Variants in EPS8L2 observed in about 807,000 individuals in gnomAD.
EPS8L2 encodes the protein EPS8 signaling adaptor L2.
A neutral mutation model predicts 99.4 loss-of-function variants in EPS8L2; 81 were observed. That is an observed-to-expected ratio of 0.82 (90% CI 0.68 to 0.98). EPS8L2 has a LOEUF of 0.98. EPS8L2 is among the 50% of genes least tolerant of loss of function. The pLI, the probability that EPS8L2 is intolerant of heterozygous loss-of-function variation, is 0.00. For synonymous variants in EPS8L2, 509 were observed against 407.3 expected (o/e 1.25, Z -3.01); for missense variants, 1,155 against 968.8 (o/e 1.19, Z -2.55).
intron 1 of EPS8L2, among the ~76,000 whole-genome samples, chr11:708,356 A>G (rs938201384): frequency 1.3e-5 from 2 of 152,176 alleles, no homozygotes; most frequent in African/African-American, 4.8e-5. Context: ...AATCAGACCC[A>G]CCTGTCTGCC....
chr11:720,546 CAG>C, intron 5 of EPS8L2, 49 bp from the exon 6 acceptor site: 3 of 1,566,766 alleles, frequency 1.9e-6, no homozygotes, highest in Non-Finnish European at 2.6e-6. Context: ...CACTCCCTGC[CAG>C]AGTGCCCAGA....
chr11:727,173 C>T lies in EPS8L2; in HGVS notation c.*192C>T. On this transcript the variant is annotated 3_prime_UTR_variant, in exon 21 of 21. Coordinates refer to ENST00000318562, the MANE Select transcript of EPS8L2 (RefSeq NM_022772.4). Reference sequence around the variant, plus strand: ...ACAGTACCCAAGGCCTCAGCCCACACCAAGACTAATCTCAGCCAAACCTGC... The same window carrying T: ...ACAGTACCCAAGGCCTCAGCCCACATCAAGACTAATCTCAGCCAAACCTGC... 1.8e-6 allele frequency: 1 copy of T among 545,184 alleles called. No individual in the cohort carries two copies. Among genetic ancestry groups the T allele is most frequent in the East Asian group, 3.2e-5 (1 of 31,062 alleles). 33.8% of individuals were successfully genotyped at this position (545,184 alleles called of 1,614,324 possible).
intron 15 of EPS8L2, among the ~76,000 whole-genome samples, chr11:723,966 C>T (rs998516347): frequency 1.3e-5 from 2 of 152,210 alleles, no homozygotes; most frequent in African/African-American, 4.8e-5. Context: ...CAAGCATGGC[C>T]TCCCCTCACC....
rs1265682954 is a variant in EPS8L2, at chr11:722,784, G to A, written c.1320G>A (p.Leu440=). The stretch of plus-strand genomic sequence containing the variant: ...AGGCCCCCTGGGAGGTGGAGGGGCT[G>A]GCGTCTGCCCCCATCGAGGAGGTGA... ...LQEAPWEVEG[L]ASAPIEEVSP... The change falls in exon 14 of 21, where the codon CTG becomes CTA. Residue 440 remains leucine, a synonymous_variant. Coordinates refer to ENST00000318562, the MANE Select transcript of EPS8L2 (RefSeq NM_022772.4). 1 of 1,590,930 alleles carries A rather than the reference G, an allele frequency of 6.3e-7. No individual in the cohort carries two copies. The highest frequency in any genetic ancestry group is 2.3e-5 in the East Asian group (1 of 44,018).
intron 4 of EPS8L2, among the ~76,000 whole-genome samples, chr11:712,293 A>G (rs1396531496): frequency 1.3e-5 from 2 of 149,020 alleles, no homozygotes; most frequent in Non-Finnish European, 3.0e-5. Context: ...CTCAAAAGGA[A>G]AAAAAAAAAG....
rs568595157 is a variant in EPS8L2, at chr11:725,937, G to A, written c.1680+90G>A. The A allele has an allele frequency of 2.9e-6, 4 of 1,384,166 alleles. No individual in the cohort carries two copies. In the African/African-American group the frequency reaches 6.1e-5, roughly 21 times the overall value. The allele number at this position is 1,384,166 out of a possible 1,614,324, so 85.7% of individuals were successfully genotyped here. A position where few individuals can be genotyped will look rare whatever the true frequency, so the allele number is the denominator to read the frequency against. On this transcript the variant is annotated intron_variant, in intron 17 of 20. Coordinates refer to ENST00000318562, the MANE Select transcript of EPS8L2 (RefSeq NM_022772.4). ...AGCCCCGCCCCAAGGCCAGCCCCGC[G>A]GCTGGAGAGACTGGGGCAGGTGCAG... is the stretch of plus-strand genomic sequence containing the variant.
chr11:717,244 GGATTACAGGCATGAGCCAC>G (rs1214912652), intron 4 of EPS8L2, among the ~76,000 whole-genome samples: 1 of 152,164 alleles, frequency 6.6e-6, no homozygotes, highest in Non-Finnish European at 1.5e-5. Flanking sequence ...CAAAGTGCTG[GGATTACAGGCATGAGCCAC>G]CGTGTCTGGC....
chr11:726,695 G>A lies in EPS8L2; in HGVS notation c.2011G>A (p.Gly671Ser), dbSNP rs1283585064. Residue 671 changes from glycine (G) to serine (S), a missense_variant, in exon 20 of 21, where the codon GGC becomes AGC. Coordinates refer to ENST00000318562, the MANE Select transcript of EPS8L2 (RefSeq NM_022772.4). ...LNKEELKKVC[G>S]EEGVRVYSQL... is the part of the protein sequence containing the mutation. Reference sequence around the variant, plus strand: ...CAAGGAGGAGCTGAAGAAAGTGTGCGGCGAGGAGGGCGTCCGCGTGTACAG... The same window carrying A: ...CAAGGAGGAGCTGAAGAAAGTGTGCAGCGAGGAGGGCGTCCGCGTGTACAG... The A allele has an allele frequency of 5.7e-6, 9 of 1,587,166 alleles. No homozygotes were observed. In the African/African-American group the frequency reaches 6.7e-5, roughly 12 times the overall value.
chr11:722,140 A>G lies in EPS8L2; in HGVS notation c.1034A>G (p.His345Arg). The change falls in exon 12 of 21, where the codon CAC becomes CGC. Residue 345 changes from histidine to arginine, a missense_variant. Coordinates refer to ENST00000318562, the MANE Select transcript of EPS8L2 (RefSeq NM_022772.4). The part of the protein sequence containing the change: ...IQNPSAAELV[H>R]FLFGPLDLIV... Reference sequence around the variant, plus strand: ...AACCCCAGCGCCGCGGAGCTCGTGCACTTCCTCTTCGGGCCTCTGGACCTG... The same window carrying G: ...AACCCCAGCGCCGCGGAGCTCGTGCGCTTCCTCTTCGGGCCTCTGGACCTG... 2 of 1,612,784 alleles carry G rather than the reference A, an allele frequency of 1.2e-6. No homozygotes were observed. Among genetic ancestry groups the G allele is most frequent in the Admixed American group, 1.7e-5 (1 of 59,992 alleles).
chr11:712,013 C>T (rs1861904739), intron 4 of EPS8L2, among the ~76,000 whole-genome samples: 2 of 149,902 alleles, frequency 1.3e-5, no homozygotes, highest in African/African-American at 2.5e-5. Context: ...GGACCAGGCG[C>T]GGTTGTTCAT....
At chr11:710,542 C>G (rs376531230) in intron 4 of EPS8L2, 56 bp downstream of exon 4, 845 of 1,459,066 alleles carry the variant, frequency 5.8e-4, no homozygotes, top group Non-Finnish European at 7.2e-4. Context: ...CAGGACATGG[C>G]TGTCCTCAGG....
At chr11:726,216 C>G (rs1862315122) in intron 18 of EPS8L2, 46 bp downstream of exon 18, 1 of 1,566,722 alleles carries the variant, frequency 6.4e-7, no homozygotes, top group Non-Finnish European at 8.7e-7. Flanking sequence ...CCAGGGCCAC[C>G]TGGGGGAGGA....
At chr11:715,582 G>A (rs1861999555) in intron 4 of EPS8L2, among the ~76,000 whole-genome samples, 1 of 147,688 alleles carries the variant, frequency 6.8e-6, no homozygotes, top group African/African-American at 2.5e-5. Context: ...TCCACTTACT[G>A]TGGGTTTTAT....
intron 1 of EPS8L2, among the ~76,000 whole-genome samples, chr11:707,821 C>A (rs578152165): frequency 6.6e-6 from 1 of 152,172 alleles, no homozygotes; most frequent in African/African-American, 2.4e-5. Context: ...CCTGAGTCTG[C>A]AAGGGTGCGT....
Position 720,486 on chromosome 11 carries a change from C to T in EPS8L2, c.328-111C>T. 4 of 1,500,778 alleles carry T rather than the reference C, an allele frequency of 2.7e-6. No homozygotes were observed. In the South Asian group the frequency reaches 3.6e-5, roughly 14 times the overall value. The allele number at this position is 1,500,778 out of a possible 1,614,324, so 93.0% of individuals were successfully genotyped here. On this transcript the variant is annotated intron_variant, in intron 5 of 20. Transcript: ENST00000318562. ...AGTCCTCATCTTTGGGAGCCCATTCCCCAGCGGCGCCAGAGGGGCCTGTGC... is the reference window on the plus strand; with the variant it reads ...AGTCCTCATCTTTGGGAGCCCATTCTCCAGCGGCGCCAGAGGGGCCTGTGC...
chr11:721,415 C>T, intron 9 of EPS8L2, 63 bp downstream of exon 9: 2 of 1,512,160 alleles, frequency 1.3e-6, no homozygotes, highest in Non-Finnish European at 1.8e-6. Flanking sequence ...GACACTGGTC[C>T]TTGCTGTCCC....
In EPS8L2 at chr11:721,080, A is replaced by G. The variant is rs1407868772; in HGVS notation, c.574A>G (p.Ile192Val). 1 of 1,489,644 alleles carries G rather than the reference A, an allele frequency of 6.7e-7. No homozygotes were observed. The highest frequency in any genetic ancestry group is 2.2e-5 in the Admixed American group (1 of 46,356). 92.3% of individuals were successfully genotyped at this position (1,489,644 alleles called of 1,614,324 possible). A position where few individuals can be genotyped will look rare whatever the true frequency, so the allele number is the denominator to read the frequency against. Residue 192 changes from isoleucine to valine, a missense_variant, in exon 8 of 21, where the codon ATT becomes GTT. Coordinates refer to ENST00000318562, the MANE Select transcript of EPS8L2 (RefSeq NM_022772.4). ...GCCCTCCAGGGGACACCAGGAGAAG[A>G]TTCGGCAGCGGCAGTCCATCCTGCC... ...PQTLKGHQEK[I>V]RQRQSILPPP... is the part of the protein sequence containing the mutation.
rs781582829 is a variant in EPS8L2, at chr11:725,803, C to G, written c.1636C>G (p.Leu546Val). 6 of 1,388,738 alleles carry G rather than the reference C, an allele frequency of 4.3e-6. No individual in the cohort carries two copies. The Admixed American group carries it at 1.9e-4, about 43-fold the overall frequency. The allele number at this position is 1,388,738 out of a possible 1,614,324, so 86.0% of individuals were successfully genotyped here. ...GQAGYVPCNI[L>V]GEARPEDAGA... ...GGCGGGGTACGTGCCCTGCAACATC[C>G]TAGGCGAGGCGCGACCGGAGGACGC... The change falls in exon 17 of 21, where the codon CTA becomes GTA. Residue 546 changes from leucine to valine, a missense_variant. Coordinates refer to ENST00000318562, the MANE Select transcript of EPS8L2 (RefSeq NM_022772.4).
rs369128855 is a variant in EPS8L2 at position 709,572 on chromosome 11, G to A, written c.64G>A (p.Asp22Asn). 1.7e-5 allele frequency: 27 copies of A among 1,612,420 alleles called. No homozygotes were observed. The highest frequency in any genetic ancestry group is 6.7e-5 in the African/African-American group (5 of 74,852). ...CTGCAGTGGCAGCCTGGGCCGGTCC[G>A]ACGGTGTGGCCAAGATGAGCCCCAA... is the stretch of plus-strand genomic sequence containing the variant. ...GATNGSLGRS[D>N]GVAKMSPKDL... The change falls in exon 3 of 21, where the codon GAC becomes AAC. Residue 22 changes from aspartate to asparagine, a missense_variant. By Grantham distance (23) the Asp-to-Asn change is conservative. Coordinates refer to ENST00000318562, the MANE Select transcript of EPS8L2 (RefSeq NM_022772.4).
Sources: gnomAD v4.1 joint callset for allele counts (sites outside exome capture counted in the v4.1 genomes callset) on GRCh38, gnomAD v4.1.1 for gene constraint, MANE v1.5 for transcripts, NCBI Gene and HGNC (gene_info 2026-07-23, HGNC 2026-07-21) for gene names.